Variants in DAPK2 observed in about 807,000 individuals in gnomAD.
The protein encoded by DAPK2 is death-associated protein kinase 2.
Under a neutral mutation model 44.1 loss-of-function variants are expected in DAPK2, and 35 were observed. The observed-to-expected ratio is 0.79, with a 90% confidence interval of 0.61 to 1.05. The LOEUF is 1.05. Among genes scored for constraint, DAPK2 ranks in the 50% least tolerant of loss-of-function variants. The pLI, the probability that DAPK2 is intolerant of heterozygous loss-of-function variation, is 0.00. For missense variants in DAPK2, 453 were observed against 483.2 expected (o/e 0.94, Z 0.59); for synonymous variants, 174 against 182.6 (o/e 0.95, Z 0.38).
At chr15:63,964,257 A>T (rs1027268354) in intron 3 of DAPK2, among the ~76,000 whole-genome samples, 79 of 152,150 alleles carry the variant, frequency 5.2e-4, no homozygotes, top group African/African-American at 1.7e-3. Context: ...TCAGCACTTT[A>T]AATATGTCAT....
intron 8 of DAPK2, among the ~76,000 whole-genome samples, chr15:63,914,280 A>C (rs2078869623): frequency 6.6e-6 from 1 of 152,124 alleles, no homozygotes; most frequent in Non-Finnish European, 1.5e-5. Flanking sequence ...CTGGAAGTGG[A>C]TGGGAGATGA....
Position 64,013,718 on chromosome 15 carries a change from G to A in DAPK2, c.92+26452C>T, listed in dbSNP as rs1180869418. 6.6e-6 allele frequency among the ~76,000 whole-genome samples: 1 copy of A among 152,182 alleles called. No homozygotes were observed. The highest frequency in any genetic ancestry group is 1.9e-4 in the East Asian group (1 of 5,200). ...CAGAGTTATAGGTTTCCTGGCAGCGGTGACTGAGAAAGCAAGCTGGATTTG... is the reference window on the plus strand; with the variant it reads ...CAGAGTTATAGGTTTCCTGGCAGCGATGACTGAGAAAGCAAGCTGGATTTG... On this transcript the variant is annotated intron_variant, in intron 1 of 10. Coordinates refer to ENST00000261891, the Ensembl canonical transcript of DAPK2. The surrounding 1 kb of genome is among the most constrained non-coding windows in gnomAD (Gnocchi z 4.7).
At chr15:63,996,098 C>T (rs1055219298) in intron 1 of DAPK2, among the ~76,000 whole-genome samples, 2 of 152,188 alleles carry the variant, frequency 1.3e-5, no homozygotes, top group African/African-American at 2.4e-5. Flanking sequence ...CATGGATTCT[C>T]AAACTTGGGG....
chr15:64,034,933 C>T (rs1249166057), intron 1 of DAPK2, among the ~76,000 whole-genome samples: 2 of 152,072 alleles, frequency 1.3e-5, no homozygotes, highest in African/African-American at 2.4e-5. Flanking sequence ...TTCGGGAGGC[C>T]GAGGCAGGCA....
At chr15:63,934,423 AT>A (rs2077077780) in intron 4 of DAPK2, among the ~76,000 whole-genome samples, 1 of 151,044 alleles carries the variant, frequency 6.6e-6, no homozygotes, top group African/African-American at 2.4e-5. Context: ...CACCCAGCTA[AT>A]TTTTGTATTT....
At chr15:64,036,307 G>GTATATATATA (rs1233918566) in intron 1 of DAPK2, among the ~76,000 whole-genome samples, 4 of 53,138 alleles carry the variant, frequency 7.5e-5, no homozygotes, top group Non-Finnish European at 2.1e-4. Flanking sequence ...GTGTGTGTGT[G>GTATATATATA]TGTATATATA....
chr15:63,915,506 C>T (rs2078903935), intron 8 of DAPK2, among the ~76,000 whole-genome samples: 1 of 152,156 alleles, frequency 6.6e-6, no homozygotes, highest in African/African-American at 2.4e-5. Context: ...TCTTTTTGCC[C>T]ACTTACTGAT....
At chr15:63,975,729 G>C (rs950542494) in intron 2 of DAPK2, among the ~76,000 whole-genome samples, 1 of 152,104 alleles carries the variant, frequency 6.6e-6, no homozygotes, top group African/African-American at 2.4e-5. Flanking sequence ...CTCCTGAGTA[G>C]CTGAGGTTAC....
chr15:64,024,553 T>C (rs2079782116), intron 1 of DAPK2, among the ~76,000 whole-genome samples: 1 of 152,332 alleles, frequency 6.6e-6, no homozygotes, highest in South Asian at 2.1e-4. Context: ...ACAGAGCCTA[T>C]GAGTGCAAAG....
At chr15:63,985,325 G>A (rs2078639637) in intron 1 of DAPK2, among the ~76,000 whole-genome samples, 1 of 152,260 alleles carries the variant, frequency 6.6e-6, no homozygotes, top group Non-Finnish European at 1.5e-5. Context: ...AGTGGAGCCA[G>A]GCCTCCCAGA....
intron 1 of DAPK2, among the ~76,000 whole-genome samples, chr15:64,023,590 T>C (rs1334136139): frequency 6.6e-6 from 1 of 152,228 alleles, no homozygotes; most frequent in South Asian, 2.1e-4. Context: ...AGTACCATTT[T>C]GAAGAACTGA....
intron 3 of DAPK2, among the ~76,000 whole-genome samples, chr15:63,956,155 G>C (rs574321899): frequency 1.3e-5 from 2 of 151,960 alleles, no homozygotes; most frequent in African/African-American, 2.4e-5. Flanking sequence ...CTCCTTTTTC[G>C]TCTCTGATTT....
chr15:64,046,329 GCGGC>G (rs1567295689), upstream of DAPK2: 3 of 208,760 alleles, frequency 1.4e-5, no homozygotes, highest in African/African-American at 2.2e-4. The surrounding 1 kb of genome is among the most constrained non-coding windows in gnomAD (Gnocchi z 5.3). Context: ...GGTCGCGGCC[GCGGC>G]AGGCGCGGCG....
In DAPK2 at chr15:63,939,184, CT is replaced by C. The variant is rs1377598362; in HGVS notation, c.583+47del. 1 of 1,607,728 alleles carries C rather than the reference CT, an allele frequency of 6.2e-7. No homozygotes were observed. The highest frequency in any genetic ancestry group is 1.7e-5 in the Admixed American group (1 of 59,208). ...ACAGGTTTCTTCCCAGGATCCCTAC[CT>C]TTGATGCCAGATTCTTAGCTGAAAG... is the stretch of plus-strand genomic sequence containing the variant. On this transcript the variant is annotated intron_variant, in intron 4 of 10. Transcript: ENST00000261891. This position sits in a 1 kb window ranked among gnomAD's most constrained non-coding sequence, Gnocchi z 4.3.
At chr15:63,964,902 T>G (rs577326353) in intron 3 of DAPK2, among the ~76,000 whole-genome samples, 3 of 152,320 alleles carry the variant, frequency 2.0e-5, no homozygotes, top group African/African-American at 4.8e-5. Flanking sequence ...TTCTAAATTC[T>G]CTGTCTGAAA....
At chr15:63,942,087 G>A (rs1157106732) in intron 3 of DAPK2, 1 of 410,968 alleles carries the variant, frequency 2.4e-6, no homozygotes, top group Non-Finnish European at 3.3e-6. Context: ...ACCACACGCT[G>A]AATGGGGGTG....
rs145255300 is a variant in DAPK2 at position 64,018,417 on chromosome 15, A to T, written c.92+21753T>A. Reference sequence around the variant, plus strand: ...TAAGACTCTTTTACTGGTTGTTTTAATCAACCAGGTACGAAGAAGGTGAGA... The same window carrying T: ...TAAGACTCTTTTACTGGTTGTTTTATTCAACCAGGTACGAAGAAGGTGAGA... On this transcript the variant is annotated intron_variant, in intron 1 of 10. Coordinates refer to ENST00000261891, the Ensembl canonical transcript of DAPK2. Among the ~76,000 whole-genome samples, 58 of 152,348 alleles carry T rather than the reference A, an allele frequency of 3.8e-4. No homozygotes were observed. In the East Asian group the frequency reaches 0.01, roughly 26 times the overall value.
At chr15:63,983,196 C>T (rs1225267908) in intron 2 of DAPK2, among the ~76,000 whole-genome samples, 1 of 152,198 alleles carries the variant, frequency 6.6e-6, no homozygotes, top group Non-Finnish European at 1.5e-5. Context: ...TCCCACTCAC[C>T]CTCCCACATG....
At chr15:63,978,923 G>A (rs981764840) in intron 2 of DAPK2, among the ~76,000 whole-genome samples, 2 of 152,212 alleles carry the variant, frequency 1.3e-5, no homozygotes, top group African/African-American at 4.8e-5. Flanking sequence ...TTCTGGAAAT[G>A]TATACATGAA....
Sources: allele counts gnomAD v4.1 joint callset (sites outside exome capture counted in the v4.1 genomes callset), GRCh38; gene constraint gnomAD v4.1.1; non-coding constraint Gnocchi (gnomAD v3.1); transcripts MANE v1.5; gene names NCBI Gene and HGNC (gene_info 2026-07-23, HGNC 2026-07-21).